The following MYT1L variants were observed in gnomAD, a reference collection of about 807,000 sequenced individuals.
MYT1L encodes myelin transcription factor 1 like.
In MYT1L, 12 loss-of-function variants were observed where a neutral mutation model predicts 126.7. The observed-to-expected ratio is 0.09, with a 90% CI of 0.06 to 0.15. The LOEUF is 0.15. MYT1L is among the 10% of genes least tolerant of loss of function. The pLI is 1.00. For synonymous variants in MYT1L, 541 were observed against 604.2 expected, an observed-to-expected ratio of 0.90 and a Z score of 1.53; for missense variants, 979 against 1,585.2, an observed-to-expected ratio of 0.62 and a Z score of 6.49.
At chr2:2,257,191 A>G (rs928877623) in intron 2 of MYT1L, among the ~76,000 whole-genome samples, 7 of 152,168 alleles carry the variant, frequency 4.6e-5, no homozygotes, top group Non-Finnish European at 8.8e-5. Flanking sequence ...AATAATCGCC[A>G]TTCCCGAATT....
Position 1,835,058 on chromosome 2 carries a change from GA to G in MYT1L, c.3080+4090del, listed in dbSNP as rs1253922632. On this transcript the variant is annotated intron_variant, in intron 21 of 24. Transcript: ENST00000647738. ...TGCTCCTCCACATACCACGGGGATGGATACAGGTGCTCCTCCATATACCACG... is the reference window on the plus strand; with the variant it reads ...TGCTCCTCCACATACCACGGGGATGGTACAGGTGCTCCTCCATATACCACG... 4.7e-3 allele frequency among the ~76,000 whole-genome samples: 658 copies of G among 139,002 alleles called. 48 individuals are homozygous for G. Among genetic ancestry groups the G allele is most frequent in the African/African-American group, 0.011 (386 of 34,970 alleles). The allele number at this position is 139,002 out of a possible 152,430, so 91.2% of individuals were successfully genotyped here. A position where few individuals can be genotyped will look rare whatever the true frequency, so the allele number is the denominator to read the frequency against.
chr2:2,253,808 G>A (rs574211925), intron 2 of MYT1L, among the ~76,000 whole-genome samples: 7 of 150,066 alleles, frequency 4.7e-5, no homozygotes, highest in South Asian at 2.1e-4. Context: ...AACAGGAAGC[G>A]GGGCAGGAGA....
At chr2:1,934,038 G>T (rs748791382) in intron 9 of MYT1L, among the ~76,000 whole-genome samples, 1 of 145,714 alleles carries the variant, frequency 6.9e-6, no homozygotes, top group Admixed American at 6.9e-5. Context: ...GCAGTGGTGC[G>T]ATCTCGGCTC....
At chr2:1,901,257 G>A (rs12473155) in intron 14 of MYT1L, among the ~76,000 whole-genome samples, 13,284 of 152,040 alleles carry the variant, frequency 0.087, 677 homozygotes, top group East Asian at 0.19. Context: ...CAGCCCACAC[G>A]GAACAAGAAC....
chr2:2,230,730 C>T (rs1572670587), intron 2 of MYT1L, among the ~76,000 whole-genome samples: 1 of 152,308 alleles, frequency 6.6e-6, no homozygotes, highest in African/African-American at 2.4e-5. Flanking sequence ...CTGTCTCAAG[C>T]GGGCTGCACA....
At chr2:2,304,998 T>A (rs1006434598) in intron 1 of MYT1L, among the ~76,000 whole-genome samples, 1 of 152,234 alleles carries the variant, frequency 6.6e-6, no homozygotes, top group Non-Finnish European at 1.5e-5. Flanking sequence ...CATAGAAGTA[T>A]AAGATATCTC....
intron 19 of MYT1L, among the ~76,000 whole-genome samples, chr2:1,845,827 C>G (rs2042420316): frequency 1.3e-5 from 2 of 152,208 alleles, no homozygotes; most frequent in South Asian, 4.1e-4. Flanking sequence ...TGTTGCCAAA[C>G]TGAATTATTC....
intron 4 of MYT1L, among the ~76,000 whole-genome samples, chr2:2,037,847 C>T (rs886663020): frequency 6.6e-6 from 1 of 151,520 alleles, no homozygotes; most frequent in Admixed American, 6.6e-5. Flanking sequence ...ATATTCAAAA[C>T]TACAGTTTTT....
At chr2:2,050,433 C>T (rs1159214666) in intron 4 of MYT1L, among the ~76,000 whole-genome samples, 1 of 152,092 alleles carries the variant, frequency 6.6e-6, no homozygotes, top group East Asian at 1.9e-4. Flanking sequence ...CAGTCTTTAG[C>T]ATGGAAATTG....
At chr2:2,184,737 G>A (rs892903377) in intron 2 of MYT1L, among the ~76,000 whole-genome samples, 7 of 152,152 alleles carry the variant, frequency 4.6e-5, no homozygotes, top group Non-Finnish European at 7.3e-5. Context: ...AGCTGTGGGA[G>A]GAAAGCTCTG....
intron 1 of MYT1L, among the ~76,000 whole-genome samples, chr2:2,310,333 C>A (rs1440087120): frequency 2.0e-5 from 3 of 151,872 alleles, no homozygotes; most frequent in African/African-American, 7.2e-5. Context: ...TACTTTAGTA[C>A]ACTCTACCCA....
intron 2 of MYT1L, among the ~76,000 whole-genome samples, chr2:2,187,647 C>T (rs1180174737): frequency 3.3e-5 from 5 of 151,930 alleles, no homozygotes; most frequent in East Asian, 3.9e-4. Flanking sequence ...GGTACCTAAA[C>T]GCTGGCTAAA....
chr2:2,072,280 T>C (rs1422389625), intron 3 of MYT1L, among the ~76,000 whole-genome samples: 2 of 152,198 alleles, frequency 1.3e-5, no homozygotes, highest in Non-Finnish European at 2.9e-5. Context: ...CTATGTGGGA[T>C]TTTGCCTACC....
chr2:2,261,133 G>A (rs867982888), intron 2 of MYT1L, among the ~76,000 whole-genome samples: 2 of 131,758 alleles, frequency 1.5e-5, no homozygotes, highest in African/African-American at 2.9e-5. Flanking sequence ...GTGCATGTGT[G>A]TGTGAGTGCG....
intron 21 of MYT1L, among the ~76,000 whole-genome samples, chr2:1,822,517 C>G (rs1289858338): frequency 6.6e-6 from 1 of 152,220 alleles, no homozygotes; most frequent in Non-Finnish European, 1.5e-5. Context: ...TCAGCAGGCA[C>G]TTGGCTGCCA....
At chr2:1,998,453 G>C (rs958481702) in intron 4 of MYT1L, among the ~76,000 whole-genome samples, 1 of 152,086 alleles carries the variant, frequency 6.6e-6, no homozygotes, top group Non-Finnish European at 1.5e-5. Flanking sequence ...CTTTTCCTTC[G>C]ACCTGGAAAC....
intron 2 of MYT1L, among the ~76,000 whole-genome samples, chr2:2,234,410 A>C (rs986512410): frequency 1.3e-5 from 2 of 152,226 alleles, no homozygotes; most frequent in African/African-American, 4.8e-5. Flanking sequence ...GATTGTACAA[A>C]AGTGCTTCAA....
At chr2:1,970,079 A>C (rs1329378953) in intron 8 of MYT1L, among the ~76,000 whole-genome samples, 1 of 152,090 alleles carries the variant, frequency 6.6e-6, no homozygotes, top group Non-Finnish European at 1.5e-5. Flanking sequence ...AGAATATGGA[A>C]ATTGGCGTTT....
At chr2:1,980,626 A>G (rs1172501229) in intron 5 of MYT1L, among the ~76,000 whole-genome samples, 1 of 152,176 alleles carries the variant, frequency 6.6e-6, no homozygotes, top group Admixed American at 6.5e-5. Context: ...TTGTAAGGAA[A>G]GTATTTTTAT....
Sources: gnomAD v4.1 joint callset for allele counts (sites outside exome capture counted in the v4.1 genomes callset) on GRCh38, gnomAD v4.1.1 for gene constraint, MANE v1.5 for transcripts, NCBI Gene and HGNC (gene_info 2026-07-23, HGNC 2026-07-21) for gene names.